The following CDC42BPA variants were observed in gnomAD, a reference collection of about 807,000 sequenced individuals.
The protein encoded by CDC42BPA is serine/threonine-protein kinase MRCK alpha.
A neutral mutation model predicts 223.5 loss-of-function variants in CDC42BPA; 80 were observed. That is an observed-to-expected ratio of 0.36 (90% CI 0.30 to 0.43). The LOEUF (loss-of-function observed/expected upper bound fraction) is 0.43. Ranked by LOEUF, CDC42BPA falls within the 20% of genes least tolerant of loss-of-function variation. The probability of loss-of-function intolerance (pLI) is 1.00; values close to 1 mark genes in which losing one functional copy is unlikely to be tolerated. For synonymous variants in CDC42BPA, 694 were observed against 718.6 expected (o/e 0.97, Z 0.55); for missense variants, 1,743 against 2,099.9 (o/e 0.83, Z 3.32).
At chr1:227,082,979 TGTTG>T (rs892041976) in intron 16 of CDC42BPA, among the ~76,000 whole-genome samples, 9 of 152,174 alleles carry the variant, frequency 5.9e-5, no homozygotes, top group African/African-American at 1.9e-4. Context: ...TAGAATTTTA[TGTTG>T]GTTGGTTTCT....
At chr1:227,240,108 A>C (rs1170158927) in intron 2 of CDC42BPA, among the ~76,000 whole-genome samples, 1 of 152,098 alleles carries the variant, frequency 6.6e-6, no homozygotes, top group Non-Finnish European at 1.5e-5. Context: ...CTGATACAAA[A>C]ATCAACTATA....
At chr1:227,205,941 C>G (rs1672645596) in intron 3 of CDC42BPA, among the ~76,000 whole-genome samples, 1 of 152,034 alleles carries the variant, frequency 6.6e-6, no homozygotes, top group Non-Finnish European at 1.5e-5. Context: ...CCCAGCTACT[C>G]CCAGGCTAAG....
intron 5 of CDC42BPA, among the ~76,000 whole-genome samples, chr1:227,185,511 C>T (rs756637724): frequency 2.6e-5 from 4 of 152,054 alleles, no homozygotes; most frequent in Admixed American, 6.6e-5. Flanking sequence ...GTTTTTTCGC[C>T]GGCTACGTGA....
chr1:227,051,887 T>C lies in CDC42BPA; in HGVS notation c.3003A>G (p.Pro1001=), dbSNP rs779602422. ...TSPSTSSEAE[P]VKTVDSTPLS... is the part of the protein sequence containing the mutation. ...GGATGCTCCAATAAGGCACCTTAAC[T>C]GGCTCAGCTTCACTAGATGTGGAAG... The change falls in exon 22 of 37, where the codon CCA becomes CCG. Residue 1001 remains proline (P), a synonymous_variant. Transcript: ENST00000366766. 2.2e-6 allele frequency: 3 copies of C among 1,365,478 alleles called. No homozygotes were observed. Among genetic ancestry groups the C allele is most frequent in the African/African-American group, 3.0e-5 (2 of 67,750 alleles). The allele number at this position is 1,365,478 out of a possible 1,614,324, so 84.6% of individuals were successfully genotyped here.
At chr1:227,117,494 T>C (rs1687946883) in intron 12 of CDC42BPA, among the ~76,000 whole-genome samples, 1 of 151,906 alleles carries the variant, frequency 6.6e-6, no homozygotes, top group Non-Finnish European at 1.5e-5. Context: ...TTATTTTTTG[T>C]AGAGACTGGG....
chr1:227,259,487 G>A (rs1026320384), intron 1 of CDC42BPA, among the ~76,000 whole-genome samples: 1 of 150,970 alleles, frequency 6.6e-6, no homozygotes, highest in Non-Finnish European at 1.5e-5. Context: ...GTGTTCTGGC[G>A]ATTCCTGACA....
In CDC42BPA at chr1:227,207,184, T is replaced by C. The variant is rs1572363034; in HGVS notation, c.354+5952A>G. 2.0e-5 allele frequency among the ~76,000 whole-genome samples: 3 copies of C among 148,434 alleles called. No homozygotes were observed. In the South Asian group the frequency reaches 6.6e-4, roughly 32 times the overall value. ...ACCTATGAGTGAGAACATGCGGTGT[T>C]TGGTTTTTTGTCCTTGCGATAGTTT... On this transcript the variant is annotated intron_variant, in intron 3 of 36. Transcript: ENST00000366766.
intron 21 of CDC42BPA, among the ~76,000 whole-genome samples, chr1:227,054,142 T>A (rs1458062758): frequency 1.3e-5 from 1 of 78,446 alleles, no homozygotes; most frequent in Non-Finnish European, 2.7e-5. Context: ...CAAAAGGCTT[T>A]ATTTAGCCCC....
At chr1:227,267,128 G>A (rs1445305320) in intron 1 of CDC42BPA, among the ~76,000 whole-genome samples, 1 of 152,136 alleles carries the variant, frequency 6.6e-6, no homozygotes, top group Non-Finnish European at 1.5e-5. Flanking sequence ...GTCCTACTAA[G>A]AAAATGCTTA....
intron 1 of CDC42BPA, among the ~76,000 whole-genome samples, chr1:227,297,179 G>T (rs748582916): frequency 6.6e-6 from 1 of 152,178 alleles, no homozygotes; most frequent in East Asian, 1.9e-4. Flanking sequence ...ATAAGCACAT[G>T]AAAAGCTGCT....
chr1:227,059,331 A>C, intron 21 of CDC42BPA: 2 of 1,527,308 alleles, frequency 1.3e-6, no homozygotes, highest in Non-Finnish European at 1.8e-6. Context: ...GAGAGGGGTA[A>C]AAGGCCTCAG....
intron 5 of CDC42BPA, among the ~76,000 whole-genome samples, chr1:227,169,219 A>G (rs1156893983): frequency 6.6e-6 from 1 of 152,154 alleles, no homozygotes; most frequent in Non-Finnish European, 1.5e-5. Context: ...CAGCCACTTA[A>G]AAATCCTAGT....
chr1:227,103,582 T>C (rs1416243956), intron 14 of CDC42BPA, among the ~76,000 whole-genome samples: 1 of 151,994 alleles, frequency 6.6e-6, no homozygotes, highest in African/African-American at 2.4e-5. Context: ...TCAAAGAAAA[T>C]ACCAAGGGGT....
rs1197244539 is a variant in CDC42BPA at position 227,069,576 on chromosome 1, G to A, written c.2904+201C>T. The A allele has an allele frequency of 1.3e-5, 5 of 387,336 alleles. No homozygotes were observed. In the East Asian group the frequency reaches 1.6e-4, roughly 12 times the overall value. The allele number at this position is 387,336 out of a possible 1,614,324, so 24.0% of individuals were successfully genotyped here. ...GACTCTCATGATTAAATCTTTCTTAGATGTTTTGTTAAACAGAGGTGGGAT... is the reference window on the plus strand; with the variant it reads ...GACTCTCATGATTAAATCTTTCTTAAATGTTTTGTTAAACAGAGGTGGGAT... On this transcript the variant is annotated intron_variant, in intron 21 of 36. Transcript: ENST00000366766.
chr1:227,014,221 A>C (rs183571882), intron 34 of CDC42BPA, among the ~76,000 whole-genome samples: 1 of 152,252 alleles, frequency 6.6e-6, no homozygotes, highest in Admixed American at 6.5e-5. Context: ...AGAAAAGTAT[A>C]ATAGTTTTAA....
At chr1:227,205,075 A>G (rs974523203) in intron 3 of CDC42BPA, among the ~76,000 whole-genome samples, 1 of 152,022 alleles carries the variant, frequency 6.6e-6, no homozygotes, top group East Asian at 1.9e-4. Flanking sequence ...CCTGGCCAAC[A>G]TGGCAAAACT....
At chr1:227,208,659 T>C (rs112022740) in intron 3 of CDC42BPA, among the ~76,000 whole-genome samples, 12 of 149,134 alleles carry the variant, frequency 8.0e-5, no homozygotes, top group African/African-American at 3.0e-4. Context: ...AAAGATCAGA[T>C]AGTTGTAGAT....
intron 8 of CDC42BPA, among the ~76,000 whole-genome samples, chr1:227,143,535 T>C (rs1660091209): frequency 6.6e-6 from 1 of 152,196 alleles, no homozygotes; most frequent in African/African-American, 2.4e-5. Context: ...CTGTATGTGA[T>C]TCACTGCTTG....
intron 1 of CDC42BPA, among the ~76,000 whole-genome samples, chr1:227,313,085 C>A (rs536920138): frequency 6.6e-6 from 1 of 152,094 alleles, no homozygotes; most frequent in Non-Finnish European, 1.5e-5. Flanking sequence ...TAAAGCAATA[C>A]ATAAAATAAA....
Sources: allele counts gnomAD v4.1 joint callset (sites outside exome capture counted in the v4.1 genomes callset), GRCh38; gene constraint gnomAD v4.1.1; transcripts MANE v1.5; gene names NCBI Gene and HGNC (gene_info 2026-07-23, HGNC 2026-07-21).